The following CSMD3 variants were observed in gnomAD, a reference collection of about 807,000 sequenced individuals.
CSMD3 encodes the protein CUB and sushi domain-containing protein 3.
A neutral mutation model predicts 435.2 loss-of-function variants in CSMD3; 177 were observed. That is an observed-to-expected ratio of 0.41 (90% confidence interval 0.36 to 0.46). The LOEUF is 0.46. Ranked by LOEUF, CSMD3 falls within the 20% of genes least tolerant of loss-of-function variation. The pLI is 0.34. For synonymous variants in CSMD3, 1,656 were observed against 1,520.5 expected (o/e 1.09, Z -2.07); for missense variants, 4,265 against 4,504.6 (o/e 0.95, Z 1.52).
intron 13 of CSMD3, among the ~76,000 whole-genome samples, chr8:112,737,538 A>G (rs1563911130): frequency 6.6e-6 from 1 of 151,944 alleles, no homozygotes; most frequent in African/African-American, 2.4e-5. Context: ...ACTAGAGACC[A>G]TAAGTCCTGG....
At chr8:112,919,752 G>T (rs557932142) in intron 10 of CSMD3, among the ~76,000 whole-genome samples, 1 of 151,800 alleles carries the variant, frequency 6.6e-6, no homozygotes, top group African/African-American at 2.4e-5. Flanking sequence ...CAGTAAAATA[G>T]AACATTTTAC....
chr8:113,353,954 T>G (rs941537290), intron 1 of CSMD3, among the ~76,000 whole-genome samples: 3 of 152,212 alleles, frequency 2.0e-5, no homozygotes, highest in Non-Finnish European at 4.4e-5. Context: ...ACATCCTTTT[T>G]GTCTCCTACT....
chr8:112,984,994 TGATAGATAGATA>T (rs71309797), intron 6 of CSMD3, among the ~76,000 whole-genome samples: 64 of 148,424 alleles, frequency 4.3e-4, no homozygotes, highest in Admixed American at 6.8e-4. Flanking sequence ...TGATAGATTA[TGATAGATAGATA>T]GATAGATAGA....
intron 5 of CSMD3, among the ~76,000 whole-genome samples, chr8:113,051,108 C>T (rs1057224146): frequency 3.3e-5 from 5 of 152,064 alleles, no homozygotes; most frequent in Admixed American, 2.6e-4. Context: ...AACAATTTTT[C>T]CACAATATAC....
chr8:112,764,251 C>G (rs1181067914), intron 13 of CSMD3, among the ~76,000 whole-genome samples: 1 of 151,332 alleles, frequency 6.6e-6, no homozygotes, highest in Non-Finnish European at 1.5e-5. Flanking sequence ...GTGGAGGGAA[C>G]AGCATTTTCA....
At chr8:113,056,792 T>C (rs914376504) in intron 5 of CSMD3, among the ~76,000 whole-genome samples, 2 of 152,194 alleles carry the variant, frequency 1.3e-5, no homozygotes, top group African/African-American at 4.8e-5. Context: ...TACAAATTGG[T>C]CTTCAGCCAA....
At chr8:112,258,768 A>G (rs1468169480) in intron 61 of CSMD3, among the ~76,000 whole-genome samples, 1 of 152,106 alleles carries the variant, frequency 6.6e-6, no homozygotes, top group Non-Finnish European at 1.5e-5. Context: ...GGCCTGGCAC[A>G]GTGGCTCACG....
chr8:113,086,703 A>T (rs954153437), intron 5 of CSMD3, among the ~76,000 whole-genome samples: 1 of 152,200 alleles, frequency 6.6e-6, no homozygotes, highest in Admixed American at 6.5e-5. Flanking sequence ...TGCAAAAGAC[A>T]TTGAAAGAAT....
intron 4 of CSMD3, among the ~76,000 whole-genome samples, chr8:113,169,022 G>C (rs1210691665): frequency 6.6e-6 from 1 of 151,998 alleles, no homozygotes; most frequent in African/African-American, 2.4e-5. Context: ...AAAATTACTA[G>C]GCTAAAGCTT....
chr8:112,705,677 T>G (rs1229111953), intron 13 of CSMD3, among the ~76,000 whole-genome samples: 2 of 152,028 alleles, frequency 1.3e-5, no homozygotes, highest in Admixed American at 1.3e-4. Flanking sequence ...TTAAAAAGGA[T>G]ACAGTCTATA....
chr8:113,191,476 T>C (rs1258248226), intron 3 of CSMD3, among the ~76,000 whole-genome samples: 2 of 151,736 alleles, frequency 1.3e-5, no homozygotes, highest in Non-Finnish European at 2.9e-5. Context: ...CTCCCAATTA[T>C]AAGTGAGAAC....
chr8:113,195,843 C>CCA (rs1588252477), intron 3 of CSMD3, among the ~76,000 whole-genome samples: 1 of 132,470 alleles, frequency 7.5e-6, no homozygotes, highest in African/African-American at 2.8e-5. Flanking sequence ...ACACACACCC[C>CCA]CACACACACA....
At chr8:112,336,859 A>G in intron 43 of CSMD3, 30 bp from the exon 44 acceptor site, 3 of 1,568,548 alleles carry the variant, frequency 1.9e-6, no homozygotes, top group Non-Finnish European at 2.6e-6. Context: ...ACAAAATAAT[A>G]TTTTAAAATA....
chr8:112,406,490 T>TATA, intron 35 of CSMD3, 34 bp downstream of exon 35: 1 of 1,429,224 alleles, frequency 7.0e-7, no homozygotes, highest in East Asian at 2.3e-5. Context: ...ATAAACTATG[T>TATA]ATAATCACAG....
chr8:112,425,434 T>C (rs1237086424), intron 32 of CSMD3, among the ~76,000 whole-genome samples: 2 of 152,186 alleles, frequency 1.3e-5, no homozygotes, highest in Admixed American at 6.5e-5. Context: ...TTGTCTTTCT[T>C]GCATGGCTAT....
At chr8:112,941,705 CAT>C (rs911822102) in intron 9 of CSMD3, among the ~76,000 whole-genome samples, 17 of 151,738 alleles carry the variant, frequency 1.1e-4, no homozygotes, top group East Asian at 3.9e-4. Flanking sequence ...ATTAAAATAA[CAT>C]GTGTATATGT....
intron 11 of CSMD3, among the ~76,000 whole-genome samples, chr8:112,833,649 T>C (rs2079940725): frequency 6.6e-6 from 1 of 151,936 alleles, no homozygotes; most frequent in Non-Finnish European, 1.5e-5. Flanking sequence ...CATTAAATTG[T>C]ACCTCATTTA....
chr8:112,726,902 C>T (rs542545275), intron 13 of CSMD3, among the ~76,000 whole-genome samples: 15 of 151,558 alleles, frequency 9.9e-5, no homozygotes, highest in Middle Eastern at 3.5e-3. Flanking sequence ...AATATAAGAA[C>T]CAATGGGAAT....
intron 10 of CSMD3, among the ~76,000 whole-genome samples, chr8:112,862,700 C>A (rs1587505900): frequency 6.6e-6 from 1 of 152,014 alleles, no homozygotes; most frequent in Non-Finnish European, 1.5e-5. Context: ...GAGTAATTTT[C>A]TCTTCAATTC....
Sources: gnomAD v4.1 joint callset for allele counts (sites outside exome capture counted in the v4.1 genomes callset) on GRCh38, gnomAD v4.1.1 for gene constraint, MANE v1.5 for transcripts, NCBI Gene and HGNC (gene_info 2026-07-23, HGNC 2026-07-21) for gene names.